MRO: variants seen among roughly 807,000 people sequenced by gnomAD.
The protein encoded by MRO is maestro.
MRO carries 28 observed loss-of-function variants against 31.0 expected under a neutral mutation model. The ratio of observed to expected loss-of-function variants is 0.90; its 90% confidence interval spans 0.67 to 1.24. The LOEUF is 1.24. Ranked by LOEUF, MRO falls within the 50% of genes most tolerant of loss-of-function variation. The pLI is 0.00. For missense variants in MRO, 332 were observed against 289.2 expected, an observed-to-expected ratio of 1.15 and a Z score of -1.07; for synonymous variants, 108 against 108.4, an observed-to-expected ratio of 1.00 and a Z score of 0.02.
intron 5 of MRO, among the ~76,000 whole-genome samples, chr18:50,802,918 T>TGTGTGTGTGTGTGTGTA (rs1555667888): frequency 4.2e-5 from 4 of 96,244 alleles, no homozygotes; most frequent in African/African-American, 1.3e-4. Context: ...GTGTGTGTAG[T>TGTGTGTGTGTGTGTGTA]GTGTGTGTGT....
chr18:50,811,619 G>T (rs1437461586), intron 2 of MRO, among the ~76,000 whole-genome samples: 1 of 151,976 alleles, frequency 6.6e-6, no homozygotes, highest in Non-Finnish European at 1.5e-5. Context: ...TAGGCACTTG[G>T]GCTGTTTCCC....
At chr18:50,820,056 A>G (rs1915245579), upstream of MRO, 1 of 1,191,766 alleles carries the variant, frequency 8.4e-7, no homozygotes, top group Admixed American at 2.0e-5. Context: ...CTCCCTGCCA[A>G]GGCCCGTTCC....
chr18:50,822,405 C>G (rs1165556419), upstream of MRO, among the ~76,000 whole-genome samples: 1 of 151,208 alleles, frequency 6.6e-6, no homozygotes, highest in Non-Finnish European at 1.5e-5. Flanking sequence ...GTGGGGGGAA[C>G]TTGGCTCACT....
chr18:50,819,851 G>A (rs1272693135), intron 1 of MRO, 46 bp downstream of exon 1: 3 of 1,542,422 alleles, frequency 1.9e-6, no homozygotes, highest in Admixed American at 3.9e-5. Context: ...GTTCTGGAAT[G>A]AAACCGACAA....
rs141149036 is a variant in MRO at position 50,798,651 on chromosome 18, C to T, written c.*686G>A. The T allele has an allele frequency of 9.2e-5, 14 of 152,332 alleles. No individual in the cohort carries two copies. Among genetic ancestry groups the T allele is most frequent in the African/African-American group, 3.4e-4 (14 of 41,560 alleles). 9.4% of individuals were successfully genotyped at this position (152,332 alleles called of 1,614,324 possible). A position where few individuals can be genotyped will look rare whatever the true frequency, so the allele number is the denominator to read the frequency against. ...ACAAAAAGCACTTTGACCGTGCCCACTGAATTGTAAGCACTCGGTGTTACC... is the reference window on the plus strand; with the variant it reads ...ACAAAAAGCACTTTGACCGTGCCCATTGAATTGTAAGCACTCGGTGTTACC... On this transcript the variant is annotated 3_prime_UTR_variant, in exon 8 of 8. Coordinates refer to ENST00000398439, the MANE Select transcript of MRO (RefSeq NM_031939.6).
In MRO at chr18:50,808,455, ATCT is replaced by A. The variant is rs1235806549; in HGVS notation, c.99+844_99+846del. Among the ~76,000 whole-genome samples the A allele has an allele frequency of 5.3e-5, 4 of 75,370 alleles. No individual in the cohort carries two copies. In the Admixed American group the frequency reaches 6.4e-4, roughly 12 times the overall value. 49.4% of individuals were successfully genotyped at this position (75,370 alleles called of 152,430 possible). A position where few individuals can be genotyped will look rare whatever the true frequency, so the allele number is the denominator to read the frequency against. On this transcript the variant is annotated intron_variant, in intron 3 of 7. Coordinates refer to ENST00000398439, the MANE Select transcript of MRO (RefSeq NM_031939.6). Reference sequence around the variant, plus strand: ...TTACAGTTCATTCCTTTTTTATCTTATCTTTTTTTTTTTTTTAATTTAAGACAG... The same window carrying A: ...TTACAGTTCATTCCTTTTTTATCTTATTTTTTTTTTTTTAATTTAAGACAG...
rs1442087489 is a variant in MRO, at chr18:50,819,979, T to G, written c.-209A>C. 10 of 1,550,566 alleles carry G rather than the reference T, an allele frequency of 6.4e-6. No homozygotes were observed. In the East Asian group the frequency reaches 2.2e-4, roughly 34 times the overall value. ...TCCTTCTTCCCTCATGCCAGCCTGG[T>G]CGACACTTTCTGCAGAAATTCTGCA... On this transcript the variant is annotated 5_prime_UTR_variant, in exon 1 of 8. Transcript: ENST00000398439.
chr18:50,814,208 T>TA (rs1308677620), intron 2 of MRO, among the ~76,000 whole-genome samples: 1 of 152,022 alleles, frequency 6.6e-6, no homozygotes, highest in Non-Finnish European at 1.5e-5. Context: ...AACACAATCT[T>TA]ACTTTAGACA....
chr18:50,803,031 C>T (rs1463976745), intron 5 of MRO, among the ~76,000 whole-genome samples: 7 of 152,022 alleles, frequency 4.6e-5, no homozygotes, highest in Admixed American at 1.3e-4. Context: ...ATGCTCGCCC[C>T]GCTAGGAGTC....
chr18:50,808,624 T>G (rs1332373409), intron 3 of MRO, among the ~76,000 whole-genome samples: 1 of 151,304 alleles, frequency 6.6e-6, no homozygotes, highest in African/African-American at 2.4e-5. Context: ...GCCCAGCTAA[T>G]TTTTGTGTTT....
At position 50,799,405 on chromosome 18, in the gene MRO, C is replaced by T; in HGVS notation, c.694-15G>A. 1 of 1,613,078 alleles carries T rather than the reference C, an allele frequency of 6.2e-7. No individual in the cohort carries two copies. Among genetic ancestry groups the T allele is most frequent in the Non-Finnish European group, 8.5e-7 (1 of 1,179,120 alleles). ...TGATAGTGGCTCTGAAAGAAATTAGCAAAGGTACGCGTGAGGGCAGGATTC... is the reference window on the plus strand; with the variant it reads ...TGATAGTGGCTCTGAAAGAAATTAGTAAAGGTACGCGTGAGGGCAGGATTC... On this transcript the variant is annotated splice_polypyrimidine_tract_variant and intron_variant, in intron 7 of 7. Transcript: ENST00000398439.
chr18:50,805,221 A>G lies in MRO; in HGVS notation c.362T>C (p.Ile121Thr). 6.2e-7 allele frequency: 1 copy of G among 1,614,016 alleles called. No homozygotes were observed. The highest frequency in any genetic ancestry group is 8.5e-7 in the Non-Finnish European group (1 of 1,179,920). Reference sequence around the variant, plus strand: ...GAAGGAACCCAAACCTTTCCCCTGGATCTTGCCCAGAACGACGGTCAGAGT... The same window carrying G: ...GAAGGAACCCAAACCTTTCCCCTGGGTCTTGCCCAGAACGACGGTCAGAGT... ...MKTLTVVLGK[I>T]QGKGLGSFFI... The change falls in exon 5 of 8, where the codon ATC (isoleucine) becomes ACC (threonine). Residue 121 changes from isoleucine (I) to threonine (T), a missense_variant. Physicochemically the swap from Ile to Thr is moderately conservative, Grantham distance 89 (BLOSUM62 -1). Coordinates refer to ENST00000398439, the MANE Select transcript of MRO (RefSeq NM_031939.6).
chr18:50,817,551 T>C (rs1915032472), intron 2 of MRO, among the ~76,000 whole-genome samples: 2 of 125,160 alleles, frequency 1.6e-5, no homozygotes, highest in Admixed American at 7.8e-5. Flanking sequence ...CCCAGAATTA[T>C]TGGATCTGAA....
upstream of MRO, among the ~76,000 whole-genome samples, chr18:50,820,674 T>C (rs1053303273): frequency 2.6e-5 from 4 of 152,202 alleles, no homozygotes; most frequent in Admixed American, 6.5e-5. Context: ...ACTCCTACTA[T>C]AGTCTCCATT....
intron 2 of MRO, among the ~76,000 whole-genome samples, chr18:50,813,868 GA>G (rs1914667463): frequency 6.6e-6 from 1 of 152,110 alleles, no homozygotes; most frequent in Non-Finnish European, 1.5e-5. Flanking sequence ...GGTGAAGATG[GA>G]AAAACTACCT....
chr18:50,825,268 C>G (rs909610183), intron 1 of MRO: 1 of 152,166 alleles, frequency 6.6e-6, no homozygotes, highest in African/African-American at 2.4e-5. Context: ...CAGTGTCTAA[C>G]AGAATCAGTT....
chr18:50,803,310 C>A (rs1913584248), intron 5 of MRO, among the ~76,000 whole-genome samples: 2 of 152,018 alleles, frequency 1.3e-5, no homozygotes, highest in African/African-American at 4.8e-5. Context: ...GGTCAGAGAC[C>A]AGCCTGGGCA....
chr18:50,819,940 G>A lies in MRO; in HGVS notation c.-170C>T. 1 of 1,551,618 alleles carries A rather than the reference G, an allele frequency of 6.4e-7. No individual in the cohort carries two copies. Among genetic ancestry groups the A allele is most frequent in the South Asian group, 1.2e-5 (1 of 84,052 alleles). ...TGCTGAGGTGTTTTTCCTTCTCCTT[G>A]CTGTGATTTCCCCTCCTTCTTCCCT... On this transcript the variant is annotated 5_prime_UTR_variant, in exon 1 of 8. Coordinates refer to ENST00000398439, the MANE Select transcript of MRO (RefSeq NM_031939.6).
Position 50,806,690 on chromosome 18 carries a change from C to T in MRO, c.246+14G>A, listed in dbSNP as rs201053380. On this transcript the variant is annotated intron_variant, in intron 4 of 7. Transcript: ENST00000398439. ...GGCTTGGGGAGCTGGCTGAGCCCCA[C>T]TCTCCTTCCCTACCTTGTCAGGGGC... The T allele has an allele frequency of 5.0e-6, 8 of 1,613,862 alleles. No individual in the cohort carries two copies. In the African/African-American group the frequency reaches 1.1e-4, roughly 22 times the overall value.
Sources: allele counts gnomAD v4.1 joint callset (sites outside exome capture counted in the v4.1 genomes callset), GRCh38; gene constraint gnomAD v4.1.1; transcripts MANE v1.5; gene names NCBI Gene and HGNC (gene_info 2026-07-23, HGNC 2026-07-21).